The following HDAC5 variants were observed in gnomAD, a reference collection of about 807,000 sequenced individuals.
HDAC5 encodes the protein antigen NY-CO-9.
HDAC5 carries 25 observed loss-of-function variants against 133.3 expected under a neutral mutation model. That is an observed-to-expected ratio of 0.19 (90% CI 0.14 to 0.26). The LOEUF is 0.26. Ranked by LOEUF, HDAC5 falls within the 10% of genes least tolerant of loss-of-function variation. The pLI is 1.00. For missense variants in HDAC5, 1,041 were observed against 1,460.5 expected (o/e 0.71, Z 4.68); for synonymous variants, 589 against 610.8 (o/e 0.96, Z 0.53).
At chr17:44,083,420 G>T in intron 18 of HDAC5, 125 bp downstream of exon 18, 2 of 663,784 alleles carry the variant, frequency 3.0e-6, no homozygotes, top group Non-Finnish European at 5.2e-6. Context: ...TCCCACCCTG[G>T]TGCCTGAGAG....
chr17:44,084,085 A>G (rs1008456841), intron 16 of HDAC5, among the ~76,000 whole-genome samples: 3 of 151,438 alleles, frequency 2.0e-5, no homozygotes, highest in African/African-American at 7.3e-5. Context: ...AGATCGCACC[A>G]CTGTACTCCA....
In HDAC5 at chr17:44,095,868, G is replaced by A. The variant is rs531158264; in HGVS notation, c.95-2034C>T. Among the ~76,000 whole-genome samples, 9 of 152,202 alleles carry A rather than the reference G, an allele frequency of 5.9e-5. No individual in the cohort carries two copies. The East Asian group carries it at 1.7e-3, about 29-fold the overall frequency. ...CTGGTCTTACGGAGAACCGGCTGGG[G>A]AGAGGAAGGCTGCTGGGGAGGGGAA... On this transcript the variant is annotated intron_variant, in intron 3 of 26. Transcript: ENST00000682912.
At chr17:44,120,692 G>A (rs1272368219) in intron 1 of HDAC5, 4 of 151,276 alleles carry the variant, frequency 2.6e-5, no homozygotes, top group Non-Finnish European at 4.4e-5. Flanking sequence ...GGTGAGCCAA[G>A]ATTGTGTCAT....
At chr17:44,087,050 A>C (rs962624376) in intron 13 of HDAC5, among the ~76,000 whole-genome samples, 7 of 151,628 alleles carry the variant, frequency 4.6e-5, no homozygotes, top group African/African-American at 1.7e-4. Context: ...CAATGAATGG[A>C]GTGCCAGCTA....
intron 14 of HDAC5, 182 bp from the exon 15 acceptor site, chr17:44,085,337 T>C (rs2050595799): frequency 4.0e-6 from 2 of 505,414 alleles, no homozygotes; most frequent in African/African-American, 3.9e-5. Context: ...TTTTTTTTTT[T>C]TTTCTTTGAA....
At chr17:44,086,894 A>T (rs2143155694) in intron 13 of HDAC5, 157 bp from the exon 14 acceptor site, 2 of 382,940 alleles carry the variant, frequency 5.2e-6, no homozygotes, top group East Asian at 4.3e-5. Flanking sequence ...GGGACAGGAG[A>T]CACATCTCCT....
At chr17:44,104,929 G>A (rs577738809) in intron 3 of HDAC5, among the ~76,000 whole-genome samples, 1 of 152,264 alleles carries the variant, frequency 6.6e-6, no homozygotes, top group South Asian at 2.1e-4. Context: ...GAGACCCTTA[G>A]AGTGTCAGGG....
At chr17:44,108,083 G>A (rs1012272475) in intron 3 of HDAC5, among the ~76,000 whole-genome samples, 2 of 152,164 alleles carry the variant, frequency 1.3e-5, no homozygotes, top group African/African-American at 4.8e-5. Context: ...TGATGGTGGT[G>A]CCCACTGTGC....
chr17:44,082,526 G>T, intron 20 of HDAC5, 59 bp downstream of exon 20: 1 of 1,363,474 alleles, frequency 7.3e-7, no homozygotes, highest in Non-Finnish European at 1.0e-6. Context: ...ACTTCCTGAA[G>T]GCTGACCCTG....
intron 3 of HDAC5, among the ~76,000 whole-genome samples, chr17:44,094,623 C>T (rs867052128): frequency 1.8e-4 from 28 of 152,050 alleles, no homozygotes; most frequent in East Asian, 1.9e-4. Flanking sequence ...GGCGACAGAG[C>T]GAGCCTCCAT....
chr17:44,092,575 T>A, intron 7 of HDAC5, 48 bp from the exon 8 acceptor site: 3 of 1,584,028 alleles, frequency 1.9e-6, no homozygotes, highest in Non-Finnish European at 2.6e-6. Flanking sequence ...GCAGCACACA[T>A]CTGCAGCTGA....
In HDAC5 at chr17:44,084,630, G is replaced by GCACT; in HGVS notation, c.2226_2229dup (p.His744SerfsTer4). The GCACT allele has an allele frequency of 6.2e-7, 1 of 1,614,128 alleles. No individual in the cohort carries two copies. Among genetic ancestry groups the GCACT allele is most frequent in the Non-Finnish European group, 8.5e-7 (1 of 1,179,990 alleles). On this transcript the variant is annotated frameshift_variant, in exon 16 of 27. Transcript: ENST00000682912. LOFTEE classifies it high-confidence loss of function. ...TAGAGCAGGGTGTGGTATTCAGAGT[G>GCACT]CACTGTCTGGATCTCATCTAGCGTG...
chr17:44,081,061 T>C lies in HDAC5; in HGVS notation c.2608-179A>G, dbSNP rs554462568. ...CCTTGGCCACAGGGCATCCATATTC[T>C]GTTCACAATGGTATTGCACACCCCA... On this transcript the variant is annotated intron_variant, in intron 20 of 26. Coordinates refer to ENST00000682912, the MANE Select transcript of HDAC5 (RefSeq NM_005474.5). 4.6e-5 allele frequency among the ~76,000 whole-genome samples: 7 copies of C among 152,280 alleles called. No individual in the cohort carries two copies. In the East Asian group the frequency reaches 1.4e-3, roughly 29 times the overall value.
chr17:44,101,410 C>CAAAAAAA (rs35671008), intron 3 of HDAC5, among the ~76,000 whole-genome samples: 3 of 66,790 alleles, frequency 4.5e-5, no homozygotes, highest in Admixed American at 2.0e-4. Context: ...GACTCCGTCT[C>CAAAAAAA]AAAAAAAAAA....
chr17:44,103,043 GC>G (rs1348585040), intron 3 of HDAC5, among the ~76,000 whole-genome samples: 1 of 152,088 alleles, frequency 6.6e-6, no homozygotes, highest in Non-Finnish European at 1.5e-5. Flanking sequence ...CAGCACCCAG[GC>G]CCTCAGGACC....
At chr17:44,083,767 G>A in intron 17 of HDAC5, 38 bp downstream of exon 17, 3 of 1,592,482 alleles carry the variant, frequency 1.9e-6, no homozygotes, top group Non-Finnish European at 2.6e-6. Context: ...ACCTAGGAGA[G>A]CCGCCCGCCC....
chr17:44,080,648 C>A, intron 21 of HDAC5, 115 bp downstream of exon 21: 1 of 1,505,036 alleles, frequency 6.6e-7, no homozygotes, highest in Non-Finnish European at 9.2e-7. Context: ...CCACTAGGAG[C>A]CCAGACTCCC....
chr17:44,112,133 C>T (rs537597304), intron 2 of HDAC5, among the ~76,000 whole-genome samples: 25 of 152,288 alleles, frequency 1.6e-4, no homozygotes, highest in Non-Finnish European at 2.8e-4. Context: ...CACCACACTC[C>T]ACTGCCTCCC....
Position 44,093,402 on chromosome 17 carries a change from C to T in HDAC5, c.438G>A (p.Gln146=), listed in dbSNP as rs2051064437. 6.9e-6 allele frequency: 11 copies of T among 1,594,186 alleles called. No homozygotes were observed. Among genetic ancestry groups the T allele is most frequent in the Non-Finnish European group, 9.4e-6 (11 of 1,173,016 alleles). ...KRQQELEQQR[Q]REQQRQEELE... ...GCTCTTCCTGCCGCTGCTGCTCCCGCTGCCGCTGCTGCTCCAGCTCCTGCT... is the reference window on the plus strand; with the variant it reads ...GCTCTTCCTGCCGCTGCTGCTCCCGTTGCCGCTGCTGCTCCAGCTCCTGCT... The change falls in exon 5 of 27, where the codon CAG becomes CAA. Residue 146 remains glutamine (Q), a synonymous_variant. Coordinates refer to ENST00000682912, the MANE Select transcript of HDAC5 (RefSeq NM_005474.5).
Sources: gnomAD v4.1 joint callset for allele counts (sites outside exome capture counted in the v4.1 genomes callset) on GRCh38, gnomAD v4.1.1 for gene constraint, MANE v1.5 for transcripts, NCBI Gene and HGNC (gene_info 2026-07-23, HGNC 2026-07-21) for gene names.